The following MB21D2 variants were observed in gnomAD, a reference collection of about 807,000 sequenced individuals.
The protein encoded by MB21D2 is Mab-21 domain containing 2, also known as nucleotidyltransferase MB21D2.
In MB21D2, 9 loss-of-function variants were observed where a neutral mutation model predicts 33.3. The ratio of observed to expected loss-of-function variants is 0.27; its 90% CI spans 0.16 to 0.47. MB21D2 has a LOEUF of 0.47. Ranked by LOEUF, MB21D2 falls within the 20% of genes least tolerant of loss-of-function variation. MB21D2 has a pLI of 0.99. For synonymous variants in MB21D2, 241 were observed against 236.3 expected, an observed-to-expected ratio of 1.02 and a Z score of -0.18; for missense variants, 540 against 624.6, an observed-to-expected ratio of 0.86 and a Z score of 1.44.
chr3:192,884,527 C>T (rs1005147112), intron 1 of MB21D2, among the ~76,000 whole-genome samples: 7 of 113,994 alleles, frequency 6.1e-5, no homozygotes, highest in Non-Finnish European at 1.2e-4. Flanking sequence ...CCACCACGCC[C>T]GGCTAATTTT....
intron 1 of MB21D2, among the ~76,000 whole-genome samples, chr3:192,890,235 T>A (rs916261809): frequency 6.6e-5 from 10 of 152,208 alleles, no homozygotes; most frequent in Middle Eastern, 3.4e-3. Flanking sequence ...AATGGTAATA[T>A]GCAAACAGAA....
intron 1 of MB21D2, among the ~76,000 whole-genome samples, chr3:192,913,311 C>T (rs1280764567): frequency 2.0e-5 from 3 of 152,036 alleles, no homozygotes; most frequent in African/African-American, 7.3e-5. Context: ...GTGGGAGGAT[C>T]ACTTGGAGCC....
At chr3:192,854,202 G>T (rs192518553) in intron 1 of MB21D2, among the ~76,000 whole-genome samples, 1 of 152,326 alleles carries the variant, frequency 6.6e-6, no homozygotes, top group African/African-American at 2.4e-5. Context: ...CTAACAGTTC[G>T]CCTAGCTGTG....
At chr3:192,882,181 A>G (rs1208234805) in intron 1 of MB21D2, among the ~76,000 whole-genome samples, 1 of 151,902 alleles carries the variant, frequency 6.6e-6, no homozygotes, top group Non-Finnish European at 1.5e-5. Flanking sequence ...GCTAGAGTGC[A>G]ATGGCACAAT....
chr3:192,828,590 CCATATATATATATAT>C (rs1712229362), intron 1 of MB21D2, among the ~76,000 whole-genome samples: 1 of 53,388 alleles, frequency 1.9e-5, no homozygotes, highest in Non-Finnish European at 3.3e-5. Context: ...CTCACCCCCC[CCATATATATATATAT>C]ATATATATAT....
intron 1 of MB21D2, among the ~76,000 whole-genome samples, chr3:192,872,233 G>C (rs11708418): frequency 0.018 from 2,747 of 152,214 alleles, 35 homozygotes; most frequent in Non-Finnish European, 0.028. Context: ...CAAGGTAAGG[G>C]AGCTCACTGT....
chr3:192,899,901 C>T (rs973644467), intron 1 of MB21D2, among the ~76,000 whole-genome samples: 3 of 146,184 alleles, frequency 2.1e-5, no homozygotes, highest in African/African-American at 5.1e-5. Context: ...CTTATGTCAC[C>T]TTTGAGTCAT....
chr3:192,873,474 T>A (rs1032971210), intron 1 of MB21D2, among the ~76,000 whole-genome samples: 4 of 152,020 alleles, frequency 2.6e-5, no homozygotes, highest in African/African-American at 9.7e-5. Flanking sequence ...TCTACCTACA[T>A]CCCATCCCTA....
chr3:192,901,246 ATAGAGAAATGAATG>A, intron 1 of MB21D2, among the ~76,000 whole-genome samples: 1 of 152,138 alleles, frequency 6.6e-6, no homozygotes, highest in South Asian at 2.1e-4. Flanking sequence ...TCACTATTCC[ATAGAGAAATGAATG>A]TTTCCATTCC....
intron 1 of MB21D2, among the ~76,000 whole-genome samples, chr3:192,905,121 G>A (rs1337111713): frequency 6.6e-6 from 1 of 152,194 alleles, no homozygotes; most frequent in Non-Finnish European, 1.5e-5. Flanking sequence ...CTGCTAAAAG[G>A]GTGATCTTGA....
intron 1 of MB21D2, among the ~76,000 whole-genome samples, chr3:192,908,670 G>A (rs1363902548): frequency 2.6e-5 from 4 of 151,398 alleles, no homozygotes; most frequent in East Asian, 2.0e-4. Flanking sequence ...CGCCCTCCTC[G>A]GCCTCCCAAA....
chr3:192,810,846 C>T (rs1711769879), intron 1 of MB21D2, among the ~76,000 whole-genome samples: 1 of 152,216 alleles, frequency 6.6e-6, no homozygotes, highest in Admixed American at 6.5e-5. Flanking sequence ...ACAGACCTCA[C>T]TTGAATTTAC....
chr3:192,880,888 G>A (rs1295020392), intron 1 of MB21D2, among the ~76,000 whole-genome samples: 1 of 152,026 alleles, frequency 6.6e-6, no homozygotes, highest in East Asian at 1.9e-4. Context: ...TGCTTAAGAT[G>A]ACAATCATTT....
chr3:192,877,878 T>C (rs547614296), intron 1 of MB21D2, among the ~76,000 whole-genome samples: 65 of 152,166 alleles, frequency 4.3e-4, no homozygotes, highest in African/African-American at 1.4e-3. Flanking sequence ...GGCATTTCTG[T>C]TGTCAGAACT....
intron 1 of MB21D2, among the ~76,000 whole-genome samples, chr3:192,890,090 A>G (rs1713816548): frequency 6.6e-6 from 1 of 152,110 alleles, no homozygotes; most frequent in South Asian, 2.1e-4. Flanking sequence ...CAGAAACAAG[A>G]ACCAAGAGCA....
chr3:192,855,546 AC>A (rs1411618939), intron 1 of MB21D2, among the ~76,000 whole-genome samples: 1 of 152,116 alleles, frequency 6.6e-6, no homozygotes, highest in African/African-American at 2.4e-5. Context: ...AACTGAACCC[AC>A]AATATCTTTG....
intron 1 of MB21D2, among the ~76,000 whole-genome samples, chr3:192,867,218 C>T (rs1309212333): frequency 1.3e-5 from 2 of 151,696 alleles, no homozygotes; most frequent in Non-Finnish European, 2.9e-5. Context: ...CCCCGACCTC[C>T]ACACACCTCC....
chr3:192,807,343 A>T (rs1201144086), intron 1 of MB21D2, among the ~76,000 whole-genome samples: 2 of 152,130 alleles, frequency 1.3e-5, no homozygotes, highest in East Asian at 3.8e-4. Flanking sequence ...CCAAAAAAAA[A>T]AAAAAAAAGT....
chr3:192,868,943 A>G (rs557450891), intron 1 of MB21D2, among the ~76,000 whole-genome samples: 1 of 152,336 alleles, frequency 6.6e-6, no homozygotes, highest in South Asian at 2.1e-4. Flanking sequence ...TATGTCCATG[A>G]AATAATACAT....
Sources: allele counts gnomAD v4.1 joint callset (sites outside exome capture counted in the v4.1 genomes callset), GRCh38; gene constraint gnomAD v4.1.1; transcripts MANE v1.5; gene names NCBI Gene and HGNC (gene_info 2026-07-23, HGNC 2026-07-21).